ST6GALNAC3: variants seen among roughly 807,000 people sequenced by gnomAD.
ST6GALNAC3 encodes the protein ST6 N-acetylgalactosaminide alpha-2,6-sialyltransferase 3.
Under a neutral mutation model 32.7 loss-of-function variants are expected in ST6GALNAC3, and 25 were observed. That is an observed-to-expected ratio of 0.76 (90% CI 0.56 to 1.07). The LOEUF (loss-of-function observed/expected upper bound fraction) is 1.07, where lower values mean the gene tolerates loss of function less well. ST6GALNAC3 is among the 50% of genes least tolerant of loss of function. The probability of loss-of-function intolerance (pLI) is 0.00; values close to 1 mark genes in which losing one functional copy is unlikely to be tolerated. For synonymous variants in ST6GALNAC3, 129 were observed against 133.1 expected (o/e 0.97, Z 0.21); for missense variants, 355 against 382.4 (o/e 0.93, Z 0.60).
rs377135435 is a variant in ST6GALNAC3, at chr1:76,403,179, A to G, written c.214-8829A>G. Among the ~76,000 whole-genome samples the G allele has an allele frequency of 1.1e-4, 17 of 152,272 alleles. No homozygotes were observed. The East Asian group carries it at 1.9e-3, about 17-fold the overall frequency. On this transcript the variant is annotated intron_variant, in intron 2 of 4. Coordinates refer to ENST00000328299, the MANE Select transcript of ST6GALNAC3 (RefSeq NM_152996.4). ...AGTATGATTTTCCTTACCTCCAAAG[A>G]AAATTCTAGCCAGAGAATTGATAAA... is the stretch of plus-strand genomic sequence containing the variant.
At chr1:76,084,647 G>GTGTGCAT (rs1646941608) in intron 1 of ST6GALNAC3, among the ~76,000 whole-genome samples, 1 of 152,140 alleles carries the variant, frequency 6.6e-6, no homozygotes, top group South Asian at 2.1e-4. Context: ...GCTTATTTCT[G>GTGTGCAT]TGTGCATAAA....
chr1:76,214,029 C>A (rs937330566), intron 1 of ST6GALNAC3, among the ~76,000 whole-genome samples: 1 of 152,096 alleles, frequency 6.6e-6, no homozygotes, highest in Non-Finnish European at 1.5e-5. Flanking sequence ...GAGCAAAAAG[C>A]AAAGGCTATA....
At chr1:76,080,723 A>G (rs1646883052) in intron 1 of ST6GALNAC3, among the ~76,000 whole-genome samples, 2 of 152,166 alleles carry the variant, frequency 1.3e-5, no homozygotes, top group African/African-American at 4.8e-5. Context: ...ATTTGAAAAC[A>G]GTATGGCTTC....
At chr1:76,385,567 A>G (rs1652033464) in intron 2 of ST6GALNAC3, among the ~76,000 whole-genome samples, 1 of 152,122 alleles carries the variant, frequency 6.6e-6, no homozygotes, top group Non-Finnish European at 1.5e-5. Flanking sequence ...CAATATAATT[A>G]GTTACAACAG....
intron 1 of ST6GALNAC3, among the ~76,000 whole-genome samples, chr1:76,303,978 C>A (rs985196000): frequency 3.5e-5 from 5 of 142,990 alleles, no homozygotes; most frequent in Non-Finnish European, 6.2e-5. Context: ...TCCCATTCCC[C>A]ACCACATTCA....
chr1:76,634,317 C>G lies in ST6GALNAC3; in HGVS notation c.*5511C>G, dbSNP rs1371883058. On this transcript the variant is annotated 3_prime_UTR_variant, in exon 5 of 5. Coordinates refer to ENST00000328299, the MANE Select transcript of ST6GALNAC3 (RefSeq NM_152996.4). ...GAGGCAATTTTATAGCTTTTTGTTA[C>G]CTAATCTACAAAGTACTAATTTCCT... 4.0e-6 allele frequency: 1 copy of G among 249,284 alleles called. No individual in the cohort carries two copies. The highest frequency in any genetic ancestry group is 6.4e-6 in the Non-Finnish European group (1 of 156,982). The allele number at this position is 249,284 out of a possible 1,614,324, so 15.4% of individuals were successfully genotyped here.
intron 2 of ST6GALNAC3, among the ~76,000 whole-genome samples, chr1:76,378,149 A>G (rs961807060): frequency 2.0e-5 from 3 of 152,132 alleles, no homozygotes; most frequent in Non-Finnish European, 4.4e-5. Flanking sequence ...CAGTTTGGAT[A>G]TGGAGTACAA....
intron 1 of ST6GALNAC3, among the ~76,000 whole-genome samples, chr1:76,145,682 A>AG (rs1650640019): frequency 6.6e-6 from 1 of 152,236 alleles, no homozygotes. Context: ...TAATGACATC[A>AG]CAGAATTGAG....
chr1:76,472,585 G>A (rs1286631152), intron 3 of ST6GALNAC3, among the ~76,000 whole-genome samples: 1 of 152,040 alleles, frequency 6.6e-6, no homozygotes, highest in Non-Finnish European at 1.5e-5. Context: ...CTGACAATAG[G>A]CATGTTACCA....
chr1:76,362,131 A>G (rs1650009602), intron 2 of ST6GALNAC3, among the ~76,000 whole-genome samples: 2 of 152,108 alleles, frequency 1.3e-5, no homozygotes, highest in South Asian at 4.1e-4. Context: ...ACTTTACAAT[A>G]ATAATGGAAG....
chr1:76,569,507 G>A lies in ST6GALNAC3; in HGVS notation c.624-57945G>A, dbSNP rs148816788. Among the ~76,000 whole-genome samples, 19 of 152,252 alleles carry A rather than the reference G, an allele frequency of 1.2e-4. No individual in the cohort carries two copies. In the East Asian group the frequency reaches 3.1e-3, roughly 25 times the overall value. On this transcript the variant is annotated intron_variant, in intron 3 of 4. Transcript: ENST00000328299. ...ATGCCTGGGCAAATCAAAGTGACAC[G>A]TTCAAAATAAAATCATGTTAATACT...
At chr1:76,345,280 C>T (rs560052702) in intron 2 of ST6GALNAC3, among the ~76,000 whole-genome samples, 1 of 152,080 alleles carries the variant, frequency 6.6e-6, no homozygotes, top group African/African-American at 2.4e-5. Context: ...TTTTTGAATT[C>T]CTTTTACTCA....
At chr1:76,109,234 A>T (rs1647755597) in intron 1 of ST6GALNAC3, among the ~76,000 whole-genome samples, 1 of 151,984 alleles carries the variant, frequency 6.6e-6, no homozygotes, top group Non-Finnish European at 1.5e-5. Context: ...AGTAGATAAA[A>T]TTTTTTGCTG....
intron 1 of ST6GALNAC3, among the ~76,000 whole-genome samples, chr1:76,155,369 G>A (rs1011280791): frequency 1.3e-5 from 2 of 152,220 alleles, no homozygotes; most frequent in Non-Finnish European, 1.5e-5. Context: ...CCAGGCATGG[G>A]TAATTTTTGG....
At chr1:76,252,043 G>T (rs911439339) in intron 1 of ST6GALNAC3, among the ~76,000 whole-genome samples, 1 of 152,186 alleles carries the variant, frequency 6.6e-6, no homozygotes, top group Non-Finnish European at 1.5e-5. Context: ...AGTTTTTGTT[G>T]TTGTTGTTGA....
At chr1:76,289,686 G>A (rs912635907) in intron 1 of ST6GALNAC3, among the ~76,000 whole-genome samples, 1 of 152,218 alleles carries the variant, frequency 6.6e-6, no homozygotes, top group African/African-American at 2.4e-5. Flanking sequence ...ATTGATAGAA[G>A]GAATCCCAAA....
chr1:76,503,199 T>C (rs957704769), intron 3 of ST6GALNAC3, among the ~76,000 whole-genome samples: 20 of 152,158 alleles, frequency 1.3e-4, no homozygotes, highest in Non-Finnish European at 4.4e-5. Flanking sequence ...GAGAAAGTCA[T>C]CCAATGGCAA....
chr1:76,438,087 T>G (rs1024120776), intron 3 of ST6GALNAC3, among the ~76,000 whole-genome samples: 9 of 151,154 alleles, frequency 6.0e-5, no homozygotes, highest in Non-Finnish European at 1.2e-4. Context: ...ACTTATTTTC[T>G]CTAAGATGAT....
chr1:76,480,098 T>C lies in ST6GALNAC3; in HGVS notation c.623+67681T>C, dbSNP rs539974220. 2.1e-3 allele frequency among the ~76,000 whole-genome samples: 327 copies of C among 152,306 alleles called. 2 individuals carry two copies. The highest frequency in any genetic ancestry group is 3.5e-3 in the Non-Finnish European group (235 of 68,024). On this transcript the variant is annotated intron_variant, in intron 3 of 4. Transcript: ENST00000328299. ...AATGGAAATAATAGAGAAAGATTAT[T>C]TTTCTTTACTGGTCATGTTGTGACA...
Sources: allele counts gnomAD v4.1 joint callset (sites outside exome capture counted in the v4.1 genomes callset), GRCh38; gene constraint gnomAD v4.1.1; transcripts MANE v1.5; gene names NCBI Gene and HGNC (gene_info 2026-07-23, HGNC 2026-07-21).